RERE: variants seen among roughly 807,000 people sequenced by gnomAD.
RERE encodes arginine-glutamic acid dipeptide repeats.
Under a neutral mutation model 146.1 loss-of-function variants are expected in RERE, and 40 were observed. The ratio of observed to expected loss-of-function variants is 0.27; its 90% CI spans 0.21 to 0.36. The LOEUF is 0.36. Ranked by LOEUF, RERE falls within the 10% of genes least tolerant of loss-of-function variation. RERE has a pLI of 1.00. For synonymous variants in RERE, 1,003 were observed against 866.0 expected, an observed-to-expected ratio of 1.16 and a Z score of -2.78; for missense variants, 1,933 against 2,138.7, an observed-to-expected ratio of 0.90 and a Z score of 1.90.
At chr1:8,795,904 C>T (rs1201907151) in intron 1 of RERE, among the ~76,000 whole-genome samples, 1 of 149,776 alleles carries the variant, frequency 6.7e-6, no homozygotes, top group Non-Finnish European at 1.5e-5. Flanking sequence ...ATCGCTTGAA[C>T]CTAGGAGACA....
intron 7 of RERE, 25 bp downstream of exon 7, chr1:8,541,189 G>A: frequency 7.9e-7 from 1 of 1,264,700 alleles, no homozygotes; most frequent in Non-Finnish European, 1.1e-6. Flanking sequence ...AGTTCTCAAT[G>A]AATGGACACA....
chr1:8,419,013 C>G (rs1387601176), intron 12 of RERE, among the ~76,000 whole-genome samples: 1 of 152,162 alleles, frequency 6.6e-6, no homozygotes, highest in Non-Finnish European at 1.5e-5. Flanking sequence ...AGTGGCTTGA[C>G]AGAGAAGAGG....
chr1:8,694,972 A>AAGGG (rs1639291414), intron 1 of RERE, among the ~76,000 whole-genome samples: 1 of 9,530 alleles, frequency 1.0e-4, no homozygotes, highest in Non-Finnish European at 2.5e-4. Flanking sequence ...AAGAAATCCT[A>AAGGG]AGGGGGGGGG....
chr1:8,554,085 G>A (rs2124418709), intron 6 of RERE, among the ~76,000 whole-genome samples: 1 of 152,230 alleles, frequency 6.6e-6, no homozygotes, highest in South Asian at 2.1e-4. Flanking sequence ...ACTGAGGTAG[G>A]AGAATGAATC....
intron 7 of RERE, among the ~76,000 whole-genome samples, chr1:8,536,946 T>C (rs1236896265): frequency 6.6e-6 from 1 of 152,178 alleles, no homozygotes; most frequent in African/African-American, 2.4e-5. Context: ...CTCATACCTG[T>C]ACTCCCAGCA....
At chr1:8,589,828 T>C (rs1646470334) in intron 4 of RERE, among the ~76,000 whole-genome samples, 1 of 152,214 alleles carries the variant, frequency 6.6e-6, no homozygotes, top group African/African-American at 2.4e-5. Flanking sequence ...AGACCAAATG[T>C]GGCAAAACTC....
At chr1:8,381,430 T>C (rs1384893508) in intron 12 of RERE, among the ~76,000 whole-genome samples, 1 of 152,098 alleles carries the variant, frequency 6.6e-6, no homozygotes, top group East Asian at 1.9e-4. Context: ...GCACCAGAAA[T>C]ACATAAAACA....
chr1:8,457,471 G>A (rs899604120), intron 11 of RERE, among the ~76,000 whole-genome samples: 10 of 152,166 alleles, frequency 6.6e-5, no homozygotes, highest in African/African-American at 2.4e-4. Context: ...CAGGGTGTTA[G>A]GAAAAGAATA....
intron 11 of RERE, among the ~76,000 whole-genome samples, chr1:8,429,651 G>GT (rs1449602134): frequency 6.6e-6 from 1 of 152,190 alleles, no homozygotes; most frequent in Non-Finnish European, 1.5e-5. Flanking sequence ...TTTAACTAGT[G>GT]TATCACAGTC....
intron 4 of RERE, among the ~76,000 whole-genome samples, chr1:8,571,554 G>T (rs1646220901): frequency 6.6e-6 from 1 of 152,204 alleles, no homozygotes; most frequent in African/African-American, 2.4e-5. Context: ...GGGAAAATCA[G>T]CAGGAACACT....
intron 1 of RERE, among the ~76,000 whole-genome samples, chr1:8,663,407 CA>C (rs1638498594): frequency 2.0e-5 from 3 of 152,318 alleles, no homozygotes; most frequent in Admixed American, 6.5e-5. Flanking sequence ...ATACTCTAGG[CA>C]TTTTTGCTTA....
intron 7 of RERE, among the ~76,000 whole-genome samples, chr1:8,518,629 T>C (rs193256316): frequency 1.1e-4 from 17 of 152,282 alleles, no homozygotes; most frequent in Admixed American, 3.9e-4. Flanking sequence ...CTTTTTTAGA[T>C]GGATTGTGAG....
Position 8,465,979 on chromosome 1 carries a change from CA to C in RERE, c.1148del (p.Leu383ArgfsTer2). 6.2e-7 allele frequency: 1 copy of C among 1,614,014 alleles called. No homozygotes were observed. Among genetic ancestry groups the C allele is most frequent in the Non-Finnish European group, 8.5e-7 (1 of 1,179,874 alleles). On this transcript the variant is annotated frameshift_variant, in exon 11 of 23. Transcript: ENST00000400908. LOFTEE classifies it high-confidence loss of function. ...TGAGCTTGGGCACAGGCTTCTTCAC[CA>C]GGCGCTGCAGGGCTTTGCCAGCATC... ...GYDAGKALQR[L>X]VKKPVPKLIE... is the part of the protein sequence containing the mutation.
At chr1:8,591,251 G>A (rs1646489359) in intron 4 of RERE, among the ~76,000 whole-genome samples, 1 of 152,102 alleles carries the variant, frequency 6.6e-6, no homozygotes, top group African/African-American at 2.4e-5. Context: ...ACTTACTGAT[G>A]TGAAGAGGCT....
chr1:8,529,819 G>C (rs1645619600), intron 7 of RERE, among the ~76,000 whole-genome samples: 1 of 152,096 alleles, frequency 6.6e-6, no homozygotes, highest in African/African-American at 2.4e-5. Context: ...TCCATAATTA[G>C]GTTAGCCACT....
At chr1:8,495,935 G>A (rs1327405105) in intron 9 of RERE, among the ~76,000 whole-genome samples, 1 of 152,084 alleles carries the variant, frequency 6.6e-6, no homozygotes, top group Non-Finnish European at 1.5e-5. Context: ...AGCACTCTGG[G>A]AGCCTGACGC....
At position 8,361,214 on chromosome 1, in the gene RERE, C is replaced by A; in HGVS notation, c.2293G>T (p.Gly765Trp). ...ACTGCAGTGGCAGAGGGCGTGGGCC[C>A]TGGCGTGGGCAGCTGAGGGGTCCCT... ...PPGTPQLPTPGPTPSATAVPP... is the reference protein window; with the variant it reads ...PPGTPQLPTPWPTPSATAVPP... Residue 765 changes from glycine to tryptophan, a missense_variant, in exon 18 of 23, where the codon GGG (glycine) becomes TGG (tryptophan). Physicochemically the swap from Gly to Trp is radical, Grantham distance 184 (BLOSUM62 -2). Transcript: ENST00000400908. 6.6e-7 allele frequency: 1 copy of A among 1,521,444 alleles called. No individual in the cohort carries two copies. Among genetic ancestry groups the A allele is most frequent in the Non-Finnish European group, 8.8e-7 (1 of 1,139,874 alleles). 94.2% of individuals were successfully genotyped at this position (1,521,444 alleles called of 1,614,324 possible). A position where few individuals can be genotyped will look rare whatever the true frequency, so the allele number is the denominator to read the frequency against.
chr1:8,422,928 T>A, intron 11 of RERE, 121 bp from the exon 12 acceptor site: 1 of 726,674 alleles, frequency 1.4e-6, no homozygotes, highest in Non-Finnish European at 2.4e-6. Context: ...TAGGGAATAC[T>A]GCCGAGGCTC....
At chr1:8,736,154 A>G (rs951915709) in intron 1 of RERE, among the ~76,000 whole-genome samples, 3 of 151,834 alleles carry the variant, frequency 2.0e-5, no homozygotes, top group African/African-American at 7.3e-5. Context: ...TCTCACTATC[A>G]TAATTCCTGC....
Sources: gnomAD v4.1 joint callset for allele counts (sites outside exome capture counted in the v4.1 genomes callset) on GRCh38, gnomAD v4.1.1 for gene constraint, MANE v1.5 for transcripts, NCBI Gene and HGNC (gene_info 2026-07-23, HGNC 2026-07-21) for gene names.